Variants in ABCD3 observed in about 807,000 individuals in gnomAD.
ABCD3 encodes ATP-binding cassette sub-family D member 3.
In ABCD3, 41 loss-of-function variants were observed where a neutral mutation model predicts 105.5. That is an observed-to-expected ratio of 0.39 (90% CI 0.30 to 0.50). ABCD3 has a LOEUF of 0.50. Ranked by LOEUF, ABCD3 falls within the 20% of genes least tolerant of loss-of-function variation. ABCD3 has a pLI of 0.84. For missense variants in ABCD3, 622 were observed against 806.3 expected, an observed-to-expected ratio of 0.77 and a Z score of 2.77; for synonymous variants, 258 against 269.0, an observed-to-expected ratio of 0.96 and a Z score of 0.40.
chr1:94,422,373 T>C (rs923062140), intron 1 of ABCD3, among the ~76,000 whole-genome samples: 8 of 152,178 alleles, frequency 5.3e-5, no homozygotes, highest in African/African-American at 1.9e-4. Context: ...ACACTTCTTA[T>C]GAGAATCTAA....
At chr1:94,421,066 A>G (rs1417005483) in intron 1 of ABCD3, among the ~76,000 whole-genome samples, 2 of 152,088 alleles carry the variant, frequency 1.3e-5, no homozygotes, top group Non-Finnish European at 2.9e-5. Flanking sequence ...TCTCATATAT[A>G]TGTGTGTGTG....
the ABCD3 span, among the ~76,000 whole-genome samples, chr1:94,389,321 G>A: frequency 2.6e-5 from 4 of 152,196 alleles, no homozygotes; most frequent in African/African-American, 7.2e-5. Context: ...AATCTCTGCA[G>A]TGCTGTGACA....
intron 10 of ABCD3, 60 bp from the exon 11 acceptor site, chr1:94,487,482 T>TG: frequency 1.4e-6 from 2 of 1,425,854 alleles, no homozygotes; most frequent in Admixed American, 3.5e-5. Context: ...TTTATCCTTA[T>TG]AGTAGATTCA....
At chr1:94,511,218 C>G (rs1004531659) in intron 21 of ABCD3, among the ~76,000 whole-genome samples, 2 of 152,026 alleles carry the variant, frequency 1.3e-5, no homozygotes, top group African/African-American at 4.8e-5. Flanking sequence ...ATTTGCTTGT[C>G]TGTAAAGTAT....
Position 94,418,553 on chromosome 1 carries a change from G to A in ABCD3, c.75G>A (p.Leu25=). 1 of 1,604,078 alleles carries A rather than the reference G, an allele frequency of 6.2e-7. No homozygotes were observed. The highest frequency in any genetic ancestry group is 8.5e-7 in the Non-Finnish European group (1 of 1,178,994). Residue 25 remains leucine (L), a synonymous_variant, in exon 1 of 23, where the codon CTG becomes CTA. Coordinates refer to ENST00000370214, the MANE Select transcript of ABCD3 (RefSeq NM_002858.4). ...LAGAAFLLLC[L]LHKRRRALGL... ...GTGCCGCGTTCCTGCTGCTCTGCCT[G>A]CTCCACAAGCGGCGCCGCGCCCTCG...
At chr1:94,449,896 G>T (rs1439747419) in intron 1 of ABCD3, among the ~76,000 whole-genome samples, 1 of 152,206 alleles carries the variant, frequency 6.6e-6, no homozygotes, top group Non-Finnish European at 1.5e-5. Context: ...AAATGATATG[G>T]CCCGCTGTGG....
intron 20 of ABCD3, among the ~76,000 whole-genome samples, chr1:94,503,906 C>CTTTTTTTT (rs71097203): frequency 5.7e-5 from 4 of 69,804 alleles, no homozygotes; most frequent in Non-Finnish European, 7.9e-5. Context: ...ACAAGTGATT[C>CTTTTTTTT]TTTTTTTTTT....
upstream of ABCD3, among the ~76,000 whole-genome samples, chr1:94,414,849 A>G (rs1248808216): frequency 6.6e-6 from 1 of 152,208 alleles, no homozygotes; most frequent in East Asian, 1.9e-4. Context: ...CCCCAAATTT[A>G]GTGACTTAAT....
chr1:94,439,710 A>G (rs541457702), intron 1 of ABCD3, among the ~76,000 whole-genome samples: 45 of 152,262 alleles, frequency 3.0e-4, no homozygotes, highest in African/African-American at 1.1e-3. Context: ...TTCATGTTTT[A>G]TCTGTTGTGT....
At chr1:94,432,361 A>T (rs1046029117) in intron 1 of ABCD3, among the ~76,000 whole-genome samples, 1 of 152,152 alleles carries the variant, frequency 6.6e-6, no homozygotes, top group African/African-American at 2.4e-5. Context: ...GTGTTTTGCT[A>T]AGGGGTAAAA....
intron 4 of ABCD3, among the ~76,000 whole-genome samples, chr1:94,469,182 G>A (rs1448808958): frequency 6.6e-6 from 1 of 151,886 alleles, no homozygotes; most frequent in Non-Finnish European, 1.5e-5. Flanking sequence ...CTCTTATTTT[G>A]TGTCTGTGTT....
intron 1 of ABCD3, among the ~76,000 whole-genome samples, chr1:94,425,279 T>G (rs1659421120): frequency 6.6e-6 from 1 of 152,218 alleles, no homozygotes. Context: ...TATTCTGTAT[T>G]TATGTGCATT....
the ABCD3 span, among the ~76,000 whole-genome samples, chr1:94,395,680 A>G: frequency 2.6e-5 from 4 of 152,216 alleles, no homozygotes; most frequent in African/African-American, 9.7e-5. Context: ...TGGCAAATGG[A>G]TCTGAAAGAG....
At chr1:94,443,409 G>A (rs987407566) in intron 1 of ABCD3, among the ~76,000 whole-genome samples, 1 of 152,088 alleles carries the variant, frequency 6.6e-6, no homozygotes, top group Non-Finnish European at 1.5e-5. Flanking sequence ...CATTCTGTAG[G>A]TTGTCTGTTT....
At chr1:94,491,102 G>T (rs1649514403) in intron 15 of ABCD3, 82 bp from the exon 16 acceptor site, 7 of 988,240 alleles carry the variant, frequency 7.1e-6, no homozygotes. Context: ...TTTTAATCAG[G>T]TTATTTGTAT....
At chr1:94,415,263 A>T (rs1286496106), upstream of ABCD3, among the ~76,000 whole-genome samples, 1 of 152,208 alleles carries the variant, frequency 6.6e-6, no homozygotes, top group African/African-American at 2.4e-5. Flanking sequence ...CACCATGATC[A>T]CCAGGGACAA....
chr1:94,489,486 A>G (rs1398990717), intron 13 of ABCD3, among the ~76,000 whole-genome samples: 2 of 152,050 alleles, frequency 1.3e-5, no homozygotes, highest in Non-Finnish European at 2.9e-5. Context: ...CTTGGCTATT[A>G]ATGAAGTATC....
chr1:94,448,901 C>T (rs544413287), intron 1 of ABCD3, among the ~76,000 whole-genome samples: 1 of 152,164 alleles, frequency 6.6e-6, no homozygotes. Flanking sequence ...ACAGGGACTA[C>T]GGGACACCCC....
chr1:94,469,831 A>G (rs1203838925), intron 4 of ABCD3, among the ~76,000 whole-genome samples: 1 of 151,544 alleles, frequency 6.6e-6, no homozygotes, highest in Non-Finnish European at 1.5e-5. Context: ...ACACCTGGCT[A>G]ATTTTTTGTA....
Sources: allele counts gnomAD v4.1 joint callset (sites outside exome capture counted in the v4.1 genomes callset), GRCh38; gene constraint gnomAD v4.1.1; transcripts MANE v1.5; gene names NCBI Gene and HGNC (gene_info 2026-07-23, HGNC 2026-07-21).